Variants in TBC1D5 observed in about 807,000 individuals in gnomAD.
TBC1D5 encodes TBC1 domain family member 5.
A neutral mutation model predicts 100.3 loss-of-function variants in TBC1D5; 75 were observed. The observed-to-expected ratio is 0.75, with a 90% confidence interval of 0.62 to 0.91. The LOEUF (loss-of-function observed/expected upper bound fraction) is 0.91, where lower values mean the gene tolerates loss of function less well. Among genes scored for constraint, TBC1D5 ranks in the 40% least tolerant of loss-of-function variants. TBC1D5 has a pLI of 0.00. For synonymous variants in TBC1D5, 323 were observed against 325.6 expected (o/e 0.99, Z 0.09); for missense variants, 910 against 942.4 (o/e 0.97, Z 0.45).
intron 3 of TBC1D5, among the ~76,000 whole-genome samples, chr3:17,503,588 G>T (rs765697593): frequency 1.2e-4 from 18 of 149,446 alleles, no homozygotes; most frequent in Non-Finnish European, 2.4e-4. Context: ...CTGCTACTCC[G>T]ATAGTTACTG....
chr3:17,314,352 G>A (rs1167420990), intron 13 of TBC1D5, among the ~76,000 whole-genome samples: 3 of 152,248 alleles, frequency 2.0e-5, no homozygotes, highest in African/African-American at 7.2e-5. Context: ...ATGCCTAGCT[G>A]CTTATCAGTC....
At chr3:17,249,777 G>C (rs1357902265) in intron 16 of TBC1D5, among the ~76,000 whole-genome samples, 1 of 152,100 alleles carries the variant, frequency 6.6e-6, no homozygotes, top group Admixed American at 6.5e-5. Context: ...GGAGGCCCAA[G>C]GAAAGGGAGA....
At chr3:17,319,096 C>A (rs183105248) in intron 13 of TBC1D5, among the ~76,000 whole-genome samples, 1 of 152,164 alleles carries the variant, frequency 6.6e-6, no homozygotes, top group African/African-American at 2.4e-5. Flanking sequence ...ATGGAGAGAA[C>A]AGAAACTCAG....
intron 1 of TBC1D5, among the ~76,000 whole-genome samples, chr3:17,630,693 C>A (rs1429003176): frequency 6.6e-6 from 1 of 152,030 alleles, no homozygotes; most frequent in African/African-American, 2.4e-5. Context: ...GTATGCCTCT[C>A]ATTTGAAATA....
At chr3:17,738,147 T>G (rs1029583889) in intron 1 of TBC1D5, among the ~76,000 whole-genome samples, 1 of 152,240 alleles carries the variant, frequency 6.6e-6, no homozygotes, top group South Asian at 2.1e-4. Context: ...TATATTTATT[T>G]GCATTTAATT....
chr3:17,723,945 ATATC>A (rs2075899319), intron 1 of TBC1D5, among the ~76,000 whole-genome samples: 1 of 152,290 alleles, frequency 6.6e-6, no homozygotes, highest in African/African-American at 2.4e-5. Flanking sequence ...ATCAGAAAAT[ATATC>A]TATCTATACA....
intron 14 of TBC1D5, among the ~76,000 whole-genome samples, chr3:17,304,123 C>T (rs2083152994): frequency 1.3e-5 from 2 of 152,298 alleles, no homozygotes; most frequent in African/African-American, 4.8e-5. Flanking sequence ...TGCATCAGCA[C>T]CAGCTTTTCA....
At chr3:17,591,272 A>AAAAAAAAAAAAC (rs2096769889) in intron 2 of TBC1D5, among the ~76,000 whole-genome samples, 1 of 143,756 alleles carries the variant, frequency 7.0e-6, no homozygotes, top group Non-Finnish European at 1.5e-5. Context: ...AAAAACAAAA[A>AAAAAAAAAAAAC]CCCCAGAGAA....
At chr3:17,705,452 G>A (rs1265389397) in intron 1 of TBC1D5, among the ~76,000 whole-genome samples, 10 of 149,092 alleles carry the variant, frequency 6.7e-5, no homozygotes, top group African/African-American at 2.2e-4. Context: ...CTTCTCAGAC[G>A]GGGCAGCTGT....
intron 5 of TBC1D5, 135 bp from the exon 6 acceptor site, chr3:17,405,096 C>G (rs1182403709): frequency 8.8e-6 from 4 of 456,922 alleles, no homozygotes; most frequent in African/African-American, 8.1e-5. Flanking sequence ...ATTTCAATTC[C>G]TACCAATTTC....
intron 4 of TBC1D5, among the ~76,000 whole-genome samples, chr3:17,409,205 T>G (rs1346994114): frequency 6.6e-6 from 1 of 152,182 alleles, no homozygotes; most frequent in Admixed American, 6.6e-5. Flanking sequence ...GTGACATATT[T>G]TGATAATCTT....
rs114836689 is a variant in TBC1D5 at position 17,220,774 on chromosome 3, A to G, written c.1589-6404T>C. Among the ~76,000 whole-genome samples the G allele has an allele frequency of 3.3e-3, 503 of 152,274 alleles. 5 individuals are homozygous for G. Among genetic ancestry groups the G allele is most frequent in the African/African-American group, 0.011 (478 of 41,568 alleles). Reference sequence around the variant, plus strand: ...TTGGAGGTGGTGGAAAATGGTAGCTAAACCAAAAGGATGGCTTAGTTTTGA... The same window carrying G: ...TTGGAGGTGGTGGAAAATGGTAGCTGAACCAAAAGGATGGCTTAGTTTTGA... On this transcript the variant is annotated intron_variant, in intron 17 of 21. Coordinates refer to ENST00000253692, the Ensembl canonical transcript of TBC1D5.
chr3:17,487,091 G>C (rs952396135), intron 3 of TBC1D5, among the ~76,000 whole-genome samples: 38 of 152,106 alleles, frequency 2.5e-4, no homozygotes, highest in Non-Finnish European at 4.4e-5. Context: ...ATAGCCTCTT[G>C]TTTAAGTAAA....
intron 2 of TBC1D5, among the ~76,000 whole-genome samples, chr3:17,614,568 A>T (rs1260561199): frequency 2.6e-5 from 4 of 152,172 alleles, no homozygotes; most frequent in Non-Finnish European, 5.9e-5. Context: ...TTCGTTGAGC[A>T]GTGGTTTGTA....
At chr3:17,482,448 T>C (rs2095512735) in intron 3 of TBC1D5, among the ~76,000 whole-genome samples, 2 of 152,218 alleles carry the variant, frequency 1.3e-5, no homozygotes. Flanking sequence ...TGTTGGCTCA[T>C]TCTGGAGCTT....
In TBC1D5 at chr3:17,600,827, C is replaced by T. The variant is rs9844794; in HGVS notation, c.-36+23022G>A. The stretch of plus-strand genomic sequence containing the variant: ...CCCTTAGGACATTTGAAAGACCGGG[C>T]GGGGGAAAAAAACTGCCCAAAGTCA... On this transcript the variant is annotated intron_variant, in intron 2 of 21. Coordinates refer to ENST00000253692, the Ensembl canonical transcript of TBC1D5. 1.1e-3 allele frequency among the ~76,000 whole-genome samples: 168 copies of T among 150,976 alleles called. 1 individual carries two copies. The highest frequency in any genetic ancestry group is 3.9e-3 in the African/African-American group (159 of 40,538).
intron 17 of TBC1D5, among the ~76,000 whole-genome samples, chr3:17,222,355 T>C (rs2074383354): frequency 1.3e-5 from 2 of 152,216 alleles, no homozygotes; most frequent in Non-Finnish European, 2.9e-5. Flanking sequence ...AACAGTTCTT[T>C]AGAAGAATGA....
chr3:17,625,370 A>G (rs2062968731), intron 1 of TBC1D5, among the ~76,000 whole-genome samples: 1 of 152,064 alleles, frequency 6.6e-6, no homozygotes, highest in African/African-American at 2.4e-5. Flanking sequence ...GGATTTTACT[A>G]CTTAGGGCAT....
chr3:17,222,189 T>C (rs1191060868), intron 17 of TBC1D5, among the ~76,000 whole-genome samples: 1 of 152,194 alleles, frequency 6.6e-6, no homozygotes. Context: ...TCTTCCTGAG[T>C]TGTATGTTTA....
Sources: allele counts gnomAD v4.1 joint callset (sites outside exome capture counted in the v4.1 genomes callset), GRCh38; gene constraint gnomAD v4.1.1; transcripts MANE v1.5; gene names NCBI Gene and HGNC (gene_info 2026-07-23, HGNC 2026-07-21).